Variants in SHQ1 observed in about 807,000 individuals in gnomAD.
SHQ1 encodes SHQ1, H/ACA ribonucleoprotein assembly factor, also known as protein SHQ1 homolog.
SHQ1 carries 49 observed loss-of-function variants against 53.8 expected under a neutral mutation model. That is an observed-to-expected ratio of 0.91 (90% CI 0.72 to 1.16). SHQ1 has a LOEUF of 1.16. Among genes scored for constraint, SHQ1 ranks in the 50% most tolerant of loss-of-function variants. The pLI, the probability that SHQ1 is intolerant of heterozygous loss-of-function variation, is 0.00. For missense variants in SHQ1, 738 were observed against 683.1 expected, an observed-to-expected ratio of 1.08 and a Z score of -0.90; for synonymous variants, 243 against 251.0, an observed-to-expected ratio of 0.97 and a Z score of 0.30.
the SHQ1 span, among the ~76,000 whole-genome samples, chr3:72,729,399 TG>T: frequency 6.6e-6 from 1 of 152,208 alleles, no homozygotes. Context: ...CTGCTCGTGC[TG>T]CCTCCAGCCT....
chr3:72,778,164 T>C (rs1420134722), intron 10 of SHQ1, among the ~76,000 whole-genome samples: 2 of 152,126 alleles, frequency 1.3e-5, no homozygotes, highest in East Asian at 3.9e-4. Context: ...TTTCTTAAGA[T>C]TGGAGGCCAG....
chr3:72,740,193 A>T, the SHQ1 span, among the ~76,000 whole-genome samples: 2 of 152,314 alleles, frequency 1.3e-5, no homozygotes, highest in Non-Finnish European at 2.9e-5. Flanking sequence ...GACAAAGCCA[A>T]CCAGCCATCC....
At chr3:72,831,087 C>T (rs1397079097) in intron 5 of SHQ1, among the ~76,000 whole-genome samples, 3 of 152,184 alleles carry the variant, frequency 2.0e-5, no homozygotes, top group Admixed American at 1.3e-4. Flanking sequence ...AATTGCTCTT[C>T]AGTGGACCTT....
At chr3:72,841,254 G>A in intron 3 of SHQ1, 55 bp from the exon 4 acceptor site, 2 of 1,397,234 alleles carry the variant, frequency 1.4e-6, no homozygotes, top group South Asian at 1.4e-5. Flanking sequence ...TACAACTAGG[G>A]GAAGAAAAAG....
chr3:72,737,614 A>T, the SHQ1 span, among the ~76,000 whole-genome samples: 4 of 152,214 alleles, frequency 2.6e-5, no homozygotes, highest in Non-Finnish European at 5.9e-5. Context: ...ACCTATGTGC[A>T]TCCTCCTATA....
chr3:72,748,329 CAAAAAAAAAAAAAAAAAAA>C (rs572927520), downstream of SHQ1, among the ~76,000 whole-genome samples: 4 of 58,760 alleles, frequency 6.8e-5, no homozygotes, highest in African/African-American at 1.3e-4. Context: ...ATGAGGCATG[CAAAAAAAAAAAAAAAAAAA>C]AAAAAAAAAA....
chr3:72,769,160 T>TG (rs1297873038), intron 10 of SHQ1, among the ~76,000 whole-genome samples: 2 of 152,172 alleles, frequency 1.3e-5, no homozygotes, highest in Non-Finnish European at 2.9e-5. Flanking sequence ...TGTGGCAGAA[T>TG]GGAGAGCACT....
chr3:72,762,307 G>A (rs187658011), intron 10 of SHQ1, among the ~76,000 whole-genome samples: 109 of 152,308 alleles, frequency 7.2e-4, no homozygotes, highest in African/African-American at 2.4e-3. Context: ...AAATTCAAGG[G>A]TGAGGGTGAC....
At chr3:72,729,703 A>T in the SHQ1 span, among the ~76,000 whole-genome samples, 1 of 152,252 alleles carries the variant, frequency 6.6e-6, no homozygotes, top group Non-Finnish European at 1.5e-5. Context: ...TGCATGAGAA[A>T]GCACAGCCAA....
Position 72,848,350 on chromosome 3 carries a change from G to C in SHQ1, c.-10C>G, listed in dbSNP as rs777912980. The stretch of plus-strand genomic sequence containing the variant: ...ACGCCGGGGTCAGCATCGCCGCACC[G>C]GACGCAAGGGCCGGCGCCGCTCGCT... On this transcript the variant is annotated 5_prime_UTR_variant, in exon 1 of 11. Coordinates refer to ENST00000325599, the MANE Select transcript of SHQ1 (RefSeq NM_018130.3). The C allele has an allele frequency of 1.2e-6, 2 of 1,613,418 alleles. No homozygotes were observed. Among genetic ancestry groups the C allele is most frequent in the Admixed American group, 3.3e-5 (2 of 59,974 alleles).
At chr3:72,784,842 T>C (rs1706177417) in intron 10 of SHQ1, among the ~76,000 whole-genome samples, 1 of 152,078 alleles carries the variant, frequency 6.6e-6, no homozygotes. Flanking sequence ...ATCAGTGACT[T>C]GGGGGGTGGT....
At chr3:72,728,622 G>A in the SHQ1 span, among the ~76,000 whole-genome samples, 7 of 152,236 alleles carry the variant, frequency 4.6e-5, no homozygotes, top group Admixed American at 1.3e-4. Context: ...CGGCTGCTCT[G>A]AAGTCAAATC....
rs944655388 is a variant in SHQ1 at position 72,772,817 on chromosome 3, A to C, written c.1181+20099T>G. ...GGAGTGCCTTTGGATGCAACTGAAA[A>C]CTCAGAGAAGAATGAGCCTATATCT... On this transcript the variant is annotated intron_variant, in intron 10 of 10. Transcript: ENST00000325599. 3 of 767,308 alleles carry C rather than the reference A, an allele frequency of 3.9e-6. No individual in the cohort carries two copies. The African/African-American group carries it at 5.1e-5, about 13-fold the overall frequency. The allele number at this position is 767,308 out of a possible 1,614,324, so 47.5% of individuals were successfully genotyped here.
chr3:72,734,255 T>A, the SHQ1 span, among the ~76,000 whole-genome samples: 1 of 151,206 alleles, frequency 6.6e-6, no homozygotes, highest in Non-Finnish European at 1.5e-5. Flanking sequence ...TTTTATTTTA[T>A]TTATTTATTT....
At chr3:72,785,447 G>A (rs576046994) in intron 10 of SHQ1, among the ~76,000 whole-genome samples, 3 of 152,298 alleles carry the variant, frequency 2.0e-5, no homozygotes, top group South Asian at 2.1e-4. Context: ...GTCACATAGC[G>A]AAATTCCACC....
intron 2 of SHQ1, among the ~76,000 whole-genome samples, chr3:72,843,134 CAGT>C (rs1276762214): frequency 8.6e-5 from 13 of 150,780 alleles, no homozygotes; most frequent in Admixed American, 7.9e-4. Flanking sequence ...TAGTCTTATA[CAGT>C]ATGACCTTTA....
At position 72,792,942 on chromosome 3, in the gene SHQ1, G is replaced by C. The variant is rs187502298; in HGVS notation, c.1155C>G (p.Asp385Glu). Residue 385 changes from aspartate to glutamate, a missense_variant, in exon 10 of 11, where the codon GAC becomes GAG. Coordinates refer to ENST00000325599, the MANE Select transcript of SHQ1 (RefSeq NM_018130.3). ...AYILNDLYIS[D>E]YCVWIQKVKS... is the part of the protein sequence containing the mutation. Reference sequence around the variant, plus strand: ...TGACTTTCTGAATCCACACACAGTAGTCTGAGATGTAGAGATCATTCAGTA... The same window carrying C: ...TGACTTTCTGAATCCACACACAGTACTCTGAGATGTAGAGATCATTCAGTA... The C allele has an allele frequency of 1.7e-5, 27 of 1,610,730 alleles. No homozygotes were observed. In the Admixed American group the frequency reaches 3.7e-4, roughly 22 times the overall value.
intron 10 of SHQ1, among the ~76,000 whole-genome samples, chr3:72,779,436 T>C (rs1294427952): frequency 6.6e-6 from 1 of 152,138 alleles, no homozygotes; most frequent in Non-Finnish European, 1.5e-5. Context: ...CCATCTCTCG[T>C]GGCAGTATGA....
At chr3:72,801,746 A>AGCTCC (rs1421245086) in intron 9 of SHQ1, among the ~76,000 whole-genome samples, 3 of 152,216 alleles carry the variant, frequency 2.0e-5, no homozygotes, top group Non-Finnish European at 2.9e-5. Flanking sequence ...TAATAAATAT[A>AGCTCC]ATTTAGTAAA....
Sources: allele counts gnomAD v4.1 joint callset (sites outside exome capture counted in the v4.1 genomes callset), GRCh38; gene constraint gnomAD v4.1.1; transcripts MANE v1.5; gene names NCBI Gene and HGNC (gene_info 2026-07-23, HGNC 2026-07-21).